Variants in MUSK observed in about 807,000 individuals in gnomAD.
MUSK encodes muscle associated receptor tyrosine kinase.
MUSK carries 55 observed loss-of-function variants against 88.7 expected under a neutral mutation model. The observed-to-expected ratio is 0.62, with a 90% confidence interval of 0.50 to 0.78. The LOEUF (loss-of-function observed/expected upper bound fraction) is 0.78, where lower values mean the gene tolerates loss of function less well. Among genes scored for constraint, MUSK ranks in the 30% least tolerant of loss-of-function variants. The pLI is 0.00. For synonymous variants in MUSK, 387 were observed against 391.9 expected, an observed-to-expected ratio of 0.99 and a Z score of 0.15; for missense variants, 1,015 against 1,074.3, an observed-to-expected ratio of 0.94 and a Z score of 0.77.
chr9:110,682,533 A>C (rs2076146793), intron 1 of MUSK, 141 bp from the exon 2 acceptor site: 3 of 735,666 alleles, frequency 4.1e-6, no homozygotes, highest in Non-Finnish European at 6.5e-6. Flanking sequence ...TCTTTACATA[A>C]GCTCTTCCTT....
intron 2 of MUSK, among the ~76,000 whole-genome samples, chr9:110,683,359 TTTTC>T (rs2076156654): frequency 6.6e-6 from 1 of 152,150 alleles, no homozygotes; most frequent in Admixed American, 6.6e-5. Context: ...ATGTACCACA[TTTTC>T]TTTATCCATT....
chr9:110,685,543 A>C (rs949787863), intron 2 of MUSK, among the ~76,000 whole-genome samples: 1 of 152,150 alleles, frequency 6.6e-6, no homozygotes, highest in Non-Finnish European at 1.5e-5. Context: ...ATCTGAGTTC[A>C]TCATTCACAA....
chr9:110,779,434 A>G (rs2077719479), intron 11 of MUSK, among the ~76,000 whole-genome samples: 1 of 152,126 alleles, frequency 6.6e-6, no homozygotes, highest in African/African-American at 2.4e-5. Context: ...ATATTTGGAG[A>G]CAGGCACTCA....
intron 2 of MUSK, among the ~76,000 whole-genome samples, chr9:110,685,833 G>A (rs372764919): frequency 6.6e-6 from 1 of 152,092 alleles, no homozygotes; most frequent in African/African-American, 2.4e-5. Flanking sequence ...CAGTCTCTTT[G>A]AGGAAATACA....
Position 110,805,293 on chromosome 9 carries a change from G to A in MUSK, c.*4305G>A, listed in dbSNP as rs1243301902. On this transcript the variant is annotated 3_prime_UTR_variant, in exon 15 of 15. Transcript: ENST00000374448. ...CCTTCCTGAATTATTTTATTAACAT[G>A]TACCTCTCCTAGTCAGATAAGACAG... is the stretch of plus-strand genomic sequence containing the variant. 6.6e-6 allele frequency among the ~76,000 whole-genome samples: 1 copy of A among 151,726 alleles called. No individual in the cohort carries two copies. The highest frequency in any genetic ancestry group is 1.5e-5 in the Non-Finnish European group (1 of 67,760).
intron 5 of MUSK, among the ~76,000 whole-genome samples, chr9:110,712,090 C>T (rs10817083): frequency 0.35 from 53,374 of 151,146 alleles, 10,332 homozygotes; most frequent in Non-Finnish European, 0.44. Context: ...TCTCTTTTCA[C>T]CTGGTTGCAA....
At chr9:110,719,170 C>T (rs1469499979) in intron 5 of MUSK, among the ~76,000 whole-genome samples, 1 of 151,888 alleles carries the variant, frequency 6.6e-6, no homozygotes, top group Non-Finnish European at 1.5e-5. Flanking sequence ...ATGAAAACAA[C>T]AACAACAACA....
At chr9:110,724,943 C>A (rs2076864253) in intron 5 of MUSK, among the ~76,000 whole-genome samples, 1 of 151,888 alleles carries the variant, frequency 6.6e-6, no homozygotes, top group East Asian at 1.9e-4. Flanking sequence ...ATATTTTTAT[C>A]CATCTAGAAA....
intron 5 of MUSK, among the ~76,000 whole-genome samples, chr9:110,706,391 A>G (rs1489596462): frequency 2.0e-5 from 3 of 152,096 alleles, no homozygotes; most frequent in Non-Finnish European, 4.4e-5. Flanking sequence ...TCAGGGCCAT[A>G]TAGAGGAAAT....
chr9:110,691,046 G>A (rs903390873), intron 3 of MUSK, among the ~76,000 whole-genome samples: 7 of 151,126 alleles, frequency 4.6e-5, no homozygotes, highest in East Asian at 1.9e-4. Context: ...TGTATTTTTG[G>A]TAGAGTCAGA....
At chr9:110,780,040 A>T (rs372588943) in intron 11 of MUSK, among the ~76,000 whole-genome samples, 125 of 152,234 alleles carry the variant, frequency 8.2e-4, no homozygotes, top group African/African-American at 3.0e-3. Flanking sequence ...TTTCTTATAA[A>T]CAACATATAC....
At chr9:110,758,990 T>G (rs1027800399) in intron 7 of MUSK, among the ~76,000 whole-genome samples, 1 of 152,084 alleles carries the variant, frequency 6.6e-6, no homozygotes, top group African/African-American at 2.4e-5. Flanking sequence ...ATTCTAAAAT[T>G]CATATAGAAT....
chr9:110,781,618 C>A (rs1330565834), intron 11 of MUSK, among the ~76,000 whole-genome samples: 1 of 152,096 alleles, frequency 6.6e-6, no homozygotes, highest in Non-Finnish European at 1.5e-5. Context: ...TAACAAAATG[C>A]CACAGACTGG....
At position 110,675,348 on chromosome 9, in the gene MUSK, A is replaced by C. The variant is rs543686000; in HGVS notation, c.79+6365A>C. ...GCCATTCTCCTGCCTCAGCCTCCCG[A>C]GTTGCTGGGACTACAGGCACCCGCC... On this transcript the variant is annotated intron_variant, in intron 1 of 14. Transcript: ENST00000374448. 1.2e-4 allele frequency among the ~76,000 whole-genome samples: 18 copies of C among 147,458 alleles called. No homozygotes were observed. The South Asian group carries it at 3.9e-3, about 32-fold the overall frequency.
rs1046174586 is a variant in MUSK, at chr9:110,806,040, T to TA, written c.*5059dup. ...AAAAAACTCACAAGAGGGTAAAAAT[T>TA]AAAAAAATAATAAAAGTTCCCTTCT... is the stretch of plus-strand genomic sequence containing the variant. On this transcript the variant is annotated 3_prime_UTR_variant, in exon 15 of 15. Transcript: ENST00000374448. Among the ~76,000 whole-genome samples the TA allele has an allele frequency of 6.6e-6, 1 of 151,976 alleles. No individual in the cohort carries two copies. The highest frequency in any genetic ancestry group is 1.5e-5 in the Non-Finnish European group (1 of 67,914).
intron 1 of MUSK, among the ~76,000 whole-genome samples, chr9:110,673,336 G>A (rs951357887): frequency 3.9e-5 from 6 of 152,148 alleles, no homozygotes; most frequent in East Asian, 1.9e-4. Flanking sequence ...TTTGTGATAT[G>A]TAGACAAGTT....
intron 3 of MUSK, among the ~76,000 whole-genome samples, chr9:110,694,572 G>C (rs2076407261): frequency 6.6e-6 from 1 of 152,076 alleles, no homozygotes; most frequent in Non-Finnish European, 1.5e-5. Flanking sequence ...CACATGTCCT[G>C]CAAGAAATAA....
intron 5 of MUSK, among the ~76,000 whole-genome samples, chr9:110,732,385 C>T (rs1292290970): frequency 1.3e-5 from 2 of 152,076 alleles, no homozygotes; most frequent in East Asian, 1.9e-4. Flanking sequence ...ACCCTCACTA[C>T]GATGCCTGTC....
chr9:110,717,588 T>C (rs1394809525), intron 5 of MUSK, among the ~76,000 whole-genome samples: 1 of 150,238 alleles, frequency 6.7e-6, no homozygotes, highest in Non-Finnish European at 1.5e-5. Context: ...TTTTCTTCTG[T>C]TTCCAATTTC....
Sources: allele counts gnomAD v4.1 joint callset (sites outside exome capture counted in the v4.1 genomes callset), GRCh38; gene constraint gnomAD v4.1.1; transcripts MANE v1.5; gene names NCBI Gene and HGNC (gene_info 2026-07-23, HGNC 2026-07-21).